Variants in C18orf32 observed in about 807,000 individuals in gnomAD.
C18orf32 encodes chromosome 18 open reading frame 32.
Under a neutral mutation model 7.4 loss-of-function variants are expected in C18orf32, and 5 were observed. That is an observed-to-expected ratio of 0.68 (90% CI 0.35 to 1.42). The LOEUF (loss-of-function observed/expected upper bound fraction) is 1.42. C18orf32 is among the 40% of genes most tolerant of loss of function. The probability of loss-of-function intolerance (pLI) is 0.04; values close to 1 mark genes in which losing one functional copy is unlikely to be tolerated. For missense variants in C18orf32, 88 were observed against 92.4 expected (o/e 0.95, Z 0.19); for synonymous variants, 30 against 29.3 (o/e 1.02, Z -0.08).
chr18:49,482,579 T>C (rs34755115), intron 2 of C18orf32, among the ~76,000 whole-genome samples, 169 bp from the exon 3 acceptor site: 10,953 of 151,720 alleles, frequency 0.072, 550 homozygotes, highest in East Asian at 0.21. Flanking sequence ...ATACAAAAAT[T>C]AGCTGGGTAT....
In C18orf32 at chr18:49,479,355, C is replaced by G. The variant is rs915765732; in HGVS notation, c.*2990G>C. The G allele has an allele frequency of 3.3e-5, 5 of 152,250 alleles. No individual in the cohort carries two copies. The highest frequency in any genetic ancestry group is 1.2e-4 in the African/African-American group (5 of 41,432). The allele number at this position is 152,250 out of a possible 1,614,324, so 9.4% of individuals were successfully genotyped here. ...CCGAGGACTGCAGTGTGCACCAGGTCTAGGCAACAACTAGGCAGGAGAGGT... is the reference window on the plus strand; with the variant it reads ...CCGAGGACTGCAGTGTGCACCAGGTGTAGGCAACAACTAGGCAGGAGAGGT... On this transcript the variant is annotated 3_prime_UTR_variant, in exon 3 of 3. Transcript: ENST00000318240.
intron 1 of C18orf32, among the ~76,000 whole-genome samples, chr18:49,484,151 T>A (rs150482591): frequency 0.37 from 21,908 of 60,006 alleles, 3,261 homozygotes; most frequent in South Asian, 0.49. Flanking sequence ...AAAAAAAATA[T>A]ATATATATAT....
Position 49,482,282 on chromosome 18 carries a change from A to T in C18orf32, c.*63T>A. ...GATAAAAAGGTCAGAGACAATTACAAGGAAGATGCTTCATATTATCAGGTC... is the reference window on the plus strand; with the variant it reads ...GATAAAAAGGTCAGAGACAATTACATGGAAGATGCTTCATATTATCAGGTC... On this transcript the variant is annotated 3_prime_UTR_variant, in exon 3 of 3. Transcript: ENST00000318240. 3.5e-6 allele frequency: 4 copies of T among 1,156,878 alleles called. No individual in the cohort carries two copies. Among genetic ancestry groups the T allele is most frequent in the Non-Finnish European group, 1.3e-6 (1 of 767,232 alleles). 71.7% of individuals were successfully genotyped at this position (1,156,878 alleles called of 1,614,324 possible).
intron 1 of C18orf32, chr18:49,486,222 C>T (rs2083742565): frequency 6.6e-6 from 1 of 152,046 alleles, no homozygotes; most frequent in Non-Finnish European, 1.5e-5. Flanking sequence ...TCCAAAAACA[C>T]AATGGTCATG....
chr18:49,478,782 TG>T lies in C18orf32; in HGVS notation c.*3562del, dbSNP rs1207246329. Reference sequence around the variant, plus strand: ...CTACCAACTCCAGCCCATGGATAACTGATAAAAGCTTTTAACAATTAGCCTC... The same window carrying T: ...CTACCAACTCCAGCCCATGGATAACTATAAAAGCTTTTAACAATTAGCCTC... On this transcript the variant is annotated 3_prime_UTR_variant, in exon 3 of 3. Coordinates refer to ENST00000318240, the MANE Select transcript of C18orf32 (RefSeq NM_001035005.4). The T allele has an allele frequency of 1.3e-5, 2 of 150,446 alleles. No homozygotes were observed. Among genetic ancestry groups the T allele is most frequent in the Non-Finnish European group, 2.9e-5 (2 of 68,030 alleles). The allele number at this position is 150,446 out of a possible 1,614,324, so 9.3% of individuals were successfully genotyped here.
In C18orf32 at chr18:49,480,936, T is replaced by C. The variant is rs543835880; in HGVS notation, c.*1409A>G. 1 of 147,164 alleles carries C rather than the reference T, an allele frequency of 6.8e-6. No individual in the cohort carries two copies. The highest frequency in any genetic ancestry group is 2.2e-4 in the South Asian group (1 of 4,524). The allele number at this position is 147,164 out of a possible 1,614,324, so 9.1% of individuals were successfully genotyped here. ...AGCACTGTTCAGGAAAAGACTACTGTCTAACAAAAACAAACCATACAACAA... is the reference window on the plus strand; with the variant it reads ...AGCACTGTTCAGGAAAAGACTACTGCCTAACAAAAACAAACCATACAACAA... On this transcript the variant is annotated 3_prime_UTR_variant, in exon 3 of 3. Coordinates refer to ENST00000318240, the MANE Select transcript of C18orf32 (RefSeq NM_001035005.4).
chr18:49,481,091 T>C lies in C18orf32; in HGVS notation c.*1254A>G, dbSNP rs1035932888. On this transcript the variant is annotated 3_prime_UTR_variant, in exon 3 of 3. Coordinates refer to ENST00000318240, the MANE Select transcript of C18orf32 (RefSeq NM_001035005.4). ...CTGTAAATATCTGTTATTTTTATAA[T>C]AGTATTTATACCTTAAAAAAGTTTA... The C allele has an allele frequency of 6.6e-6, 1 of 152,238 alleles. No homozygotes were observed. The highest frequency in any genetic ancestry group is 2.4e-5 in the African/African-American group (1 of 41,462). The allele number at this position is 152,238 out of a possible 1,614,324, so 9.4% of individuals were successfully genotyped here.
rs1319854483 is a variant in C18orf32 at position 49,479,306 on chromosome 18, A to G, written c.*3039T>C. On this transcript the variant is annotated 3_prime_UTR_variant, in exon 3 of 3. Transcript: ENST00000318240. ...GAAATCCAGAAACAAGACGTCCAAT[A>G]CAGGAGGGTGGCAACAGAAAGTCCC... is the stretch of plus-strand genomic sequence containing the variant. 6.6e-6 allele frequency: 1 copy of G among 152,260 alleles called. No homozygotes were observed. Among genetic ancestry groups the G allele is most frequent in the Non-Finnish European group, 1.5e-5 (1 of 68,074 alleles). The allele number at this position is 152,260 out of a possible 1,614,324, so 9.4% of individuals were successfully genotyped here. A position where few individuals can be genotyped will look rare whatever the true frequency, so the allele number is the denominator to read the frequency against.
rs998437659 is a variant in C18orf32 at position 49,479,323 on chromosome 18, G to GAT, written c.*3021_*3022insAT. On this transcript the variant is annotated 3_prime_UTR_variant, in exon 3 of 3. Coordinates refer to ENST00000318240, the MANE Select transcript of C18orf32 (RefSeq NM_001035005.4). ...CGTCCAATACAGGAGGGTGGCAACA[G>GAT]AAAGTCCCGAGGACTGCAGTGTGCA... is the stretch of plus-strand genomic sequence containing the variant. 1.8e-4 allele frequency: 27 copies of GAT among 152,266 alleles called. No homozygotes were observed. Among genetic ancestry groups the GAT allele is most frequent in the African/African-American group, 6.5e-4 (27 of 41,452 alleles). The allele number at this position is 152,266 out of a possible 1,614,324, so 9.4% of individuals were successfully genotyped here. A position where few individuals can be genotyped will look rare whatever the true frequency, so the allele number is the denominator to read the frequency against.
At chr18:49,485,371 T>C (rs113576320) in intron 1 of C18orf32, among the ~76,000 whole-genome samples, 4,436 of 152,032 alleles carry the variant, frequency 0.029, 87 homozygotes, top group South Asian at 0.065. Flanking sequence ...CTGGCCAACA[T>C]GGCAAAACCC....
chr18:49,482,974 T>C (rs1211190134), intron 2 of C18orf32, among the ~76,000 whole-genome samples: 1 of 152,016 alleles, frequency 6.6e-6, no homozygotes, highest in African/African-American at 2.4e-5. Context: ...AATTTTGGTA[T>C]TTTTAGTAGA....
chr18:49,483,652 T>C lies in C18orf32; in HGVS notation c.97A>G (p.Ser33Gly). ...YIYPLVSPFV[S>G]RIWPKKAIQE... ...ATTGCTTTCTTAGGCCATATACGAC[T>C]AACGAAGGGGGAAACCAGAGGGTAT... The change falls in exon 2 of 3, where the codon AGT becomes GGT. Residue 33 changes from serine to glycine, a missense_variant. By Grantham distance (56) the Ser-to-Gly change is moderately conservative. Coordinates refer to ENST00000318240, the MANE Select transcript of C18orf32 (RefSeq NM_001035005.4). 6.2e-7 allele frequency: 1 copy of C among 1,613,674 alleles called. No individual in the cohort carries two copies. The highest frequency in any genetic ancestry group is 8.5e-7 in the Non-Finnish European group (1 of 1,179,952).
intron 2 of C18orf32, 76 bp from the exon 3 acceptor site, chr18:49,482,486 T>G: frequency 2.5e-5 from 26 of 1,029,616 alleles, no homozygotes; most frequent in South Asian, 8.0e-5. Flanking sequence ...CCCAGCACTT[T>G]GGGAGGCTGA....
At position 49,487,150 on chromosome 18, in the gene C18orf32, T is replaced by C. The variant is rs1435012308; in HGVS notation, c.-131A>G. 1.3e-5 allele frequency: 2 copies of C among 152,474 alleles called. No homozygotes were observed. Among genetic ancestry groups the C allele is most frequent in the East Asian group, 1.9e-4 (1 of 5,184 alleles). The allele number at this position is 152,474 out of a possible 1,614,324, so 9.4% of individuals were successfully genotyped here. ...AGGACTCTGCGAGCGCGGCCCGGGC[T>C]GGGCCTGCGGAGCAGCTACAAAGCC... On this transcript the variant is annotated 5_prime_UTR_variant, in exon 1 of 3. Coordinates refer to ENST00000318240, the MANE Select transcript of C18orf32 (RefSeq NM_001035005.4).
At chr18:49,485,611 ATTT>A (rs544899186) in intron 1 of C18orf32, among the ~76,000 whole-genome samples, 1 of 146,278 alleles carries the variant, frequency 6.8e-6, no homozygotes, top group Admixed American at 6.9e-5. Context: ...GGCAATAGTG[ATTT>A]TTTTTTTTTT....
In C18orf32 at chr18:49,484,167, T is replaced by TACACAC. The variant is rs72071720; in HGVS notation, c.-23-402_-23-397dup. 1.4e-3 allele frequency among the ~76,000 whole-genome samples: 127 copies of TACACAC among 93,818 alleles called. 2 individuals carry two copies. The highest frequency in any genetic ancestry group is 1.8e-3 in the Non-Finnish European group (89 of 50,128). The allele number at this position is 93,818 out of a possible 152,430, so 61.5% of individuals were successfully genotyped here. A position where few individuals can be genotyped will look rare whatever the true frequency, so the allele number is the denominator to read the frequency against. On this transcript the variant is annotated intron_variant, in intron 1 of 2. Transcript: ENST00000318240. ...AAAAAAATATATATATATATATATA[T>TACACAC]ACACACACACACACACACACACACA...
At chr18:49,485,885 G>T (rs957009771) in intron 1 of C18orf32, 9 of 152,056 alleles carry the variant, frequency 5.9e-5, no homozygotes, top group African/African-American at 1.7e-4. Flanking sequence ...GCCTCCCAAA[G>T]TGCTGGGATT....
In C18orf32 at chr18:49,480,108, T is replaced by C. The variant is rs989406939; in HGVS notation, c.*2237A>G. The C allele has an allele frequency of 6.6e-6, 1 of 152,298 alleles. No homozygotes were observed. The highest frequency in any genetic ancestry group is 1.5e-5 in the Non-Finnish European group (1 of 68,210). 9.4% of individuals were successfully genotyped at this position (152,298 alleles called of 1,614,324 possible). A position where few individuals can be genotyped will look rare whatever the true frequency, so the allele number is the denominator to read the frequency against. ...GGGAGGCTGAGGCAAGAGGATCACT[T>C]TGAGGCCAGGAGTTTGAGACTCGCT... On this transcript the variant is annotated 3_prime_UTR_variant, in exon 3 of 3. Transcript: ENST00000318240.
chr18:49,483,669 A>G lies in C18orf32; in HGVS notation c.80T>C (p.Leu27Pro), dbSNP rs1349933593. 3.1e-6 allele frequency: 5 copies of G among 1,613,948 alleles called. No homozygotes were observed. Among genetic ancestry groups the G allele is most frequent in the South Asian group, 2.2e-5 (2 of 91,002 alleles). Reference protein sequence around the residue: ...KKFLEPYIYPLVSPFVSRIWP... With the variant: ...KKFLEPYIYPPVSPFVSRIWP... ...TATACGACTAACGAAGGGGGAAACC[A>G]GAGGGTATATATATGGCTCCAGGAA... Residue 27 changes from leucine to proline, a missense_variant, in exon 2 of 3, where the codon CTG becomes CCG. Transcript: ENST00000318240.
Sources: allele counts gnomAD v4.1 joint callset (sites outside exome capture counted in the v4.1 genomes callset), GRCh38; gene constraint gnomAD v4.1.1; transcripts MANE v1.5; gene names NCBI Gene and HGNC (gene_info 2026-07-23, HGNC 2026-07-21).